DDX10: variants seen among roughly 807,000 people sequenced by gnomAD.
DDX10 encodes probable ATP-dependent RNA helicase DDX10.
DDX10 carries 74 observed loss-of-function variants against 104.3 expected under a neutral mutation model. The observed-to-expected ratio is 0.71, with a 90% CI of 0.59 to 0.86. The LOEUF (loss-of-function observed/expected upper bound fraction) is 0.86, where lower values mean the gene tolerates loss of function less well. Ranked by LOEUF, DDX10 falls within the 40% of genes least tolerant of loss-of-function variation. DDX10 has a pLI of 0.00. For synonymous variants in DDX10, 351 were observed against 353.4 expected (o/e 0.99, Z 0.08); for missense variants, 952 against 1,040.0 (o/e 0.92, Z 1.16).
intron 13 of DDX10, among the ~76,000 whole-genome samples, chr11:108,800,653 TC>T (rs1351339870): frequency 1.3e-5 from 2 of 152,170 alleles, no homozygotes; most frequent in Non-Finnish European, 2.9e-5. Context: ...ATCTTGTTGA[TC>T]AATTGACAAT....
chr11:108,711,758 T>A (rs935734531), intron 10 of DDX10, among the ~76,000 whole-genome samples: 1 of 152,252 alleles, frequency 6.6e-6, no homozygotes, highest in African/African-American at 2.4e-5. Context: ...ATGTTCCATG[T>A]GAGCTTGAGA....
chr11:108,779,897 T>C (rs940335314), intron 13 of DDX10, among the ~76,000 whole-genome samples: 1 of 152,112 alleles, frequency 6.6e-6, no homozygotes, highest in African/African-American at 2.4e-5. Flanking sequence ...TTAAAGGGAT[T>C]AGAGGAAATA....
intron 16 of DDX10, among the ~76,000 whole-genome samples, chr11:108,898,659 A>AG (rs756640487): frequency 1.7e-4 from 25 of 147,224 alleles, no homozygotes; most frequent in African/African-American, 4.9e-4. Context: ...AAAATTTTGG[A>AG]GAAAAAAAAA....
intron 16 of DDX10, among the ~76,000 whole-genome samples, chr11:108,860,176 A>G (rs1188317244): frequency 6.6e-6 from 1 of 152,198 alleles, no homozygotes; most frequent in Non-Finnish European, 1.5e-5. Context: ...TTACTAGGAA[A>G]TTCTAAAATT....
intron 10 of DDX10, among the ~76,000 whole-genome samples, chr11:108,707,085 A>G (rs779306952): frequency 6.6e-6 from 1 of 152,060 alleles, no homozygotes; most frequent in Non-Finnish European, 1.5e-5. Flanking sequence ...ACCAGAATAC[A>G]TCTGCTACAA....
At chr11:108,829,533 T>A (rs866162988) in intron 13 of DDX10, among the ~76,000 whole-genome samples, 2 of 152,266 alleles carry the variant, frequency 1.3e-5, no homozygotes, top group African/African-American at 2.4e-5. Context: ...TCTCCCACTC[T>A]GTGGGTTGTC....
At chr11:108,768,911 T>G (rs886972471) in intron 13 of DDX10, among the ~76,000 whole-genome samples, 1 of 152,026 alleles carries the variant, frequency 6.6e-6, no homozygotes, top group Non-Finnish European at 1.5e-5. Context: ...TTGTTTTTGT[T>G]TTGTCTGTCT....
intron 17 of DDX10, among the ~76,000 whole-genome samples, chr11:108,935,900 T>G (rs9888161): frequency 4.3e-4 from 65 of 152,176 alleles, no homozygotes; most frequent in Non-Finnish European, 7.3e-4. Context: ...AAAGTTAATA[T>G]TTCACATTTG....
intron 17 of DDX10, chr11:108,921,569 T>C (rs946996119): frequency 1.3e-5 from 2 of 152,224 alleles, no homozygotes; most frequent in African/African-American, 4.8e-5. Context: ...CTCTTGGACA[T>C]CATCACATCT....
intron 13 of DDX10, among the ~76,000 whole-genome samples, chr11:108,816,922 A>G (rs1436983598): frequency 6.6e-6 from 1 of 152,200 alleles, no homozygotes; most frequent in Non-Finnish European, 1.5e-5. Context: ...CATAGCAGGC[A>G]ACCCCCACCT....
intron 9 of DDX10, among the ~76,000 whole-genome samples, chr11:108,699,217 AAT>A (rs1294713346): frequency 6.6e-6 from 1 of 152,106 alleles, no homozygotes; most frequent in Non-Finnish European, 1.5e-5. Context: ...GATCTTACCT[AAT>A]ATGTTAATTA....
intron 15 of DDX10, among the ~76,000 whole-genome samples, chr11:108,843,981 G>A (rs1007315993): frequency 2.0e-5 from 3 of 152,134 alleles, no homozygotes; most frequent in African/African-American, 7.2e-5. Context: ...GCTTGTAAAT[G>A]ATTTTCTTTG....
At chr11:108,713,658 T>C (rs2094287502) in intron 10 of DDX10, among the ~76,000 whole-genome samples, 2 of 152,266 alleles carry the variant, frequency 1.3e-5, no homozygotes, top group African/African-American at 2.4e-5. Flanking sequence ...CTGGTTATGA[T>C]GCTTGCTCTG....
At chr11:108,785,997 CT>C (rs1342320271) in intron 13 of DDX10, among the ~76,000 whole-genome samples, 2 of 152,128 alleles carry the variant, frequency 1.3e-5, no homozygotes, top group African/African-American at 4.8e-5. Context: ...AAACTTTCCT[CT>C]TAACATCACT....
intron 6 of DDX10, among the ~76,000 whole-genome samples, chr11:108,688,477 A>T (rs559770213): frequency 2.0e-5 from 3 of 152,212 alleles, no homozygotes; most frequent in Non-Finnish European, 4.4e-5. Context: ...ACTTCAGCAC[A>T]CGTATTACTG....
intron 13 of DDX10, among the ~76,000 whole-genome samples, chr11:108,775,114 A>G (rs1278533917): frequency 6.6e-6 from 1 of 152,228 alleles, no homozygotes; most frequent in Non-Finnish European, 1.5e-5. Context: ...AATGGTTGGT[A>G]TTGCCAAATG....
chr11:108,825,895 T>A (rs1862389449), intron 13 of DDX10, among the ~76,000 whole-genome samples: 1 of 152,220 alleles, frequency 6.6e-6, no homozygotes, highest in African/African-American at 2.4e-5. Flanking sequence ...ATGTAGGCAG[T>A]CATCTGTCGG....
At chr11:108,699,039 A>C (rs1449585999) in intron 9 of DDX10, among the ~76,000 whole-genome samples, 1 of 152,104 alleles carries the variant, frequency 6.6e-6, no homozygotes, top group Non-Finnish European at 1.5e-5. Context: ...TCACCTTCAA[A>C]TATACTGGAG....
At chr11:108,713,954 AG>A (rs2094287981) in intron 10 of DDX10, among the ~76,000 whole-genome samples, 1 of 152,158 alleles carries the variant, frequency 6.6e-6, no homozygotes, top group Non-Finnish European at 1.5e-5. Flanking sequence ...GGATGGCTAG[AG>A]TTGGGCATTT....
Sources: gnomAD v4.1 joint callset for allele counts (sites outside exome capture counted in the v4.1 genomes callset) on GRCh38, gnomAD v4.1.1 for gene constraint, MANE v1.5 for transcripts, NCBI Gene and HGNC (gene_info 2026-07-23, HGNC 2026-07-21) for gene names.